TMEM232: variants seen among roughly 807,000 people sequenced by gnomAD.
TMEM232 encodes transmembrane protein 232.
A neutral mutation model predicts 78.8 loss-of-function variants in TMEM232; 80 were observed. The observed-to-expected ratio is 1.01, with a 90% CI of 0.85 to 1.22. The LOEUF (loss-of-function observed/expected upper bound fraction) is 1.22, where lower values mean the gene tolerates loss of function less well. Ranked by LOEUF, TMEM232 falls within the 50% of genes most tolerant of loss-of-function variation. The pLI, the probability that TMEM232 is intolerant of heterozygous loss-of-function variation, is 0.00. For missense variants in TMEM232, 881 were observed against 742.2 expected (o/e 1.19, Z -2.17); for synonymous variants, 297 against 254.3 (o/e 1.17, Z -1.60).
chr5:110,424,727 C>T (rs1757054835), intron 13 of TMEM232, 96 bp downstream of exon 13: 3 of 950,314 alleles, frequency 3.2e-6, no homozygotes, highest in Admixed American at 2.7e-5. Flanking sequence ...TTAAATTTCA[C>T]ATATTAAGGT....
chr5:110,585,039 G>T (rs1486756755), intron 10 of TMEM232, among the ~76,000 whole-genome samples: 1 of 152,082 alleles, frequency 6.6e-6, no homozygotes, highest in African/African-American at 2.4e-5. Flanking sequence ...TAGACCACTG[G>T]ATCTGAATGG....
At chr5:110,569,850 G>C (rs1437221336) in intron 10 of TMEM232, among the ~76,000 whole-genome samples, 1 of 151,912 alleles carries the variant, frequency 6.6e-6, no homozygotes, top group East Asian at 1.9e-4. Context: ...ACTTGAACTT[G>C]CTTAGAAAGC....
At chr5:110,687,632 G>A (rs184138660) in intron 1 of TMEM232, among the ~76,000 whole-genome samples, 62 of 151,772 alleles carry the variant, frequency 4.1e-4, no homozygotes, top group Non-Finnish European at 6.9e-4. Flanking sequence ...ATTGTTTTGG[G>A]AAAAAAAGGT....
intron 1 of TMEM232, chr5:110,725,910 A>C (rs1215954279): frequency 2.3e-5 from 3 of 131,958 alleles, no homozygotes; most frequent in African/African-American, 7.4e-5. Flanking sequence ...TAACCTGAGG[A>C]AGCAAATTAT....
At chr5:110,402,757 T>C (rs1755649608) in intron 2 of TMEM232, among the ~76,000 whole-genome samples, 1 of 152,118 alleles carries the variant, frequency 6.6e-6, no homozygotes, top group Non-Finnish European at 1.5e-5. Flanking sequence ...AAAGTCCAGA[T>C]GTCCAGATAG....
intron 2 of TMEM232, among the ~76,000 whole-genome samples, chr5:110,654,908 A>C (rs956784788): frequency 3.6e-4 from 55 of 152,128 alleles, no homozygotes; most frequent in African/African-American, 1.1e-3. Flanking sequence ...CTCTTTGAAG[A>C]AATTGTGAAT....
At chr5:110,448,807 C>A (rs1050403049) in intron 12 of TMEM232, among the ~76,000 whole-genome samples, 1 of 151,700 alleles carries the variant, frequency 6.6e-6, no homozygotes, top group Non-Finnish European at 1.5e-5. Context: ...TAAATATAAT[C>A]ATAAGAATTA....
At chr5:110,480,522 T>G (rs1277238923) in intron 12 of TMEM232, among the ~76,000 whole-genome samples, 3 of 152,056 alleles carry the variant, frequency 2.0e-5, no homozygotes, top group Non-Finnish European at 4.4e-5. Flanking sequence ...TTTTAAGAGA[T>G]TGCTTGAGAA....
rs70999969 is a variant in TMEM232 at position 110,652,294 on chromosome 5, G to GCA, written c.126-9925_126-9924dup. On this transcript the variant is annotated intron_variant, in intron 2 of 13. Coordinates refer to ENST00000455884, the MANE Select transcript of TMEM232 (RefSeq NM_001039763.4). ...CAAGCACACAAAAGTGCACGCGCGC[G>GCA]CACACACACACACACACACACACAC... 1.2e-3 allele frequency among the ~76,000 whole-genome samples: 180 copies of GCA among 145,448 alleles called. 2 individuals are homozygous for GCA. Among genetic ancestry groups the GCA allele is most frequent in the East Asian group, 0.01 (49 of 4,870 alleles).
chr5:110,444,790 T>C (rs1420720826), intron 12 of TMEM232, among the ~76,000 whole-genome samples: 1 of 152,212 alleles, frequency 6.6e-6, no homozygotes, highest in African/African-American at 2.4e-5. Context: ...TTCTTCAAAT[T>C]AGAAAATAAA....
At chr5:110,482,427 A>C (rs1045900986) in intron 12 of TMEM232, among the ~76,000 whole-genome samples, 2 of 152,092 alleles carry the variant, frequency 1.3e-5, no homozygotes, top group African/African-American at 4.8e-5. Context: ...CTAAAAATAC[A>C]AAAATTAGCC....
At chr5:110,678,216 C>G (rs979824184) in intron 1 of TMEM232, among the ~76,000 whole-genome samples, 20 of 152,254 alleles carry the variant, frequency 1.3e-4, no homozygotes, top group Middle Eastern at 3.4e-3. Flanking sequence ...AGGCACCCAC[C>G]ACCAAGCCTG....
At chr5:110,508,709 C>A (rs1166095178) in intron 12 of TMEM232, among the ~76,000 whole-genome samples, 1 of 150,308 alleles carries the variant, frequency 6.7e-6, no homozygotes, top group Non-Finnish European at 1.5e-5. Context: ...GTGCTGTTTC[C>A]CTTTCACGAA....
At chr5:110,476,975 C>T (rs1207831059) in intron 12 of TMEM232, among the ~76,000 whole-genome samples, 6 of 151,928 alleles carry the variant, frequency 3.9e-5, no homozygotes, top group East Asian at 1.9e-4. Context: ...AGACAGCCAG[C>T]AAATGGGACA....
At chr5:110,405,200 T>A (rs574718861) in intron 2 of TMEM232, among the ~76,000 whole-genome samples, 1 of 152,192 alleles carries the variant, frequency 6.6e-6, no homozygotes, top group Non-Finnish European at 1.5e-5. Flanking sequence ...AGCAGGCTGA[T>A]CACAGGTAAA....
chr5:110,694,567 G>A lies in TMEM232; in HGVS notation c.-12-27203C>T, dbSNP rs559135950. 6.6e-5 allele frequency among the ~76,000 whole-genome samples: 10 copies of A among 152,162 alleles called. No homozygotes were observed. The East Asian group carries it at 1.7e-3, about 26-fold the overall frequency. On this transcript the variant is annotated intron_variant, in intron 1 of 13. Coordinates refer to ENST00000455884, the MANE Select transcript of TMEM232 (RefSeq NM_001039763.4). ...GCTGTATTCAGGAAACCCATCTCAC[G>A]TGCAGAGATACACATAGGCTCAAAA...
intron 2 of TMEM232, 44 bp downstream of exon 2, chr5:110,667,184 T>C: frequency 7.1e-7 from 1 of 1,417,390 alleles, no homozygotes; most frequent in Non-Finnish European, 9.4e-7. Context: ...ATTTTCTAAA[T>C]TCTCTACAAT....
chr5:110,665,518 A>G (rs908644556), intron 2 of TMEM232, among the ~76,000 whole-genome samples: 1 of 152,120 alleles, frequency 6.6e-6, no homozygotes, highest in Non-Finnish European at 1.5e-5. Context: ...ACCTCTTAAC[A>G]TGGTGGCAGG....
intron 12 of TMEM232, among the ~76,000 whole-genome samples, chr5:110,440,468 G>A (rs942518573): frequency 3.9e-5 from 6 of 151,970 alleles, no homozygotes; most frequent in African/African-American, 1.5e-4. Flanking sequence ...TACACAATCT[G>A]AAACCTTTTG....
Sources: gnomAD v4.1 joint callset for allele counts (sites outside exome capture counted in the v4.1 genomes callset) on GRCh38, gnomAD v4.1.1 for gene constraint, MANE v1.5 for transcripts, NCBI Gene and HGNC (gene_info 2026-07-23, HGNC 2026-07-21) for gene names.